Variants in RIMS2 observed in about 807,000 individuals in gnomAD.
RIMS2 encodes regulating synaptic membrane exocytosis 2.
Under a neutral mutation model 174.4 loss-of-function variants are expected in RIMS2, and 59 were observed. The observed-to-expected ratio is 0.34, with a 90% CI of 0.27 to 0.42. The LOEUF (loss-of-function observed/expected upper bound fraction) is 0.42, where lower values mean the gene tolerates loss of function less well. Among genes scored for constraint, RIMS2 ranks in the 10% least tolerant of loss-of-function variants. The probability of loss-of-function intolerance (pLI) is 1.00; values close to 1 mark genes in which losing one functional copy is unlikely to be tolerated. For missense variants in RIMS2, 1,620 were observed against 1,666.3 expected, an observed-to-expected ratio of 0.97 and a Z score of 0.48; for synonymous variants, 606 against 572.5, an observed-to-expected ratio of 1.06 and a Z score of -0.84.
chr8:104,032,772 G>A (rs762651195), intron 19 of RIMS2, among the ~76,000 whole-genome samples: 3 of 151,910 alleles, frequency 2.0e-5, no homozygotes, highest in Non-Finnish European at 4.4e-5. Context: ...TCATGTTACA[G>A]CTCTAAGACC....
intron 3 of RIMS2, among the ~76,000 whole-genome samples, chr8:103,838,833 A>G (rs1251655503): frequency 1.3e-5 from 2 of 152,172 alleles, no homozygotes; most frequent in Non-Finnish European, 2.9e-5. Context: ...TGGGAGGCCG[A>G]GGCGGGCAGA....
chr8:103,564,661 A>G (rs2092105657), intron 1 of RIMS2, among the ~76,000 whole-genome samples: 1 of 152,232 alleles, frequency 6.6e-6, no homozygotes, highest in Non-Finnish European at 1.5e-5. Flanking sequence ...GATGAAGTCC[A>G]GAAGCGTTGG....
intron 1 of RIMS2, among the ~76,000 whole-genome samples, chr8:103,689,108 C>A (rs1428126927): frequency 6.6e-6 from 1 of 152,036 alleles, no homozygotes; most frequent in Non-Finnish European, 1.5e-5. Flanking sequence ...TCTTCTTTGA[C>A]CCACTGGTCA....
chr8:103,840,471 G>C (rs1381888728), intron 3 of RIMS2, among the ~76,000 whole-genome samples: 4 of 151,430 alleles, frequency 2.6e-5, no homozygotes, highest in African/African-American at 9.8e-5. Context: ...TAATATTTTA[G>C]AGTTTGATTA....
At chr8:103,790,584 G>A (rs988611298) in intron 3 of RIMS2, among the ~76,000 whole-genome samples, 1 of 152,100 alleles carries the variant, frequency 6.6e-6, no homozygotes, top group Admixed American at 6.6e-5. Context: ...GTGGACATAT[G>A]TTTTTAATTC....
chr8:103,672,595 C>T (rs1444838369), intron 1 of RIMS2, among the ~76,000 whole-genome samples: 1 of 151,832 alleles, frequency 6.6e-6, no homozygotes, highest in Non-Finnish European at 1.5e-5. Flanking sequence ...TTAAAGATAA[C>T]CAGAGTTAGT....
At chr8:104,253,917 T>C (rs1368836758), downstream of RIMS2, 4 of 152,174 alleles carry the variant, frequency 2.6e-5, no homozygotes, top group East Asian at 1.9e-4. Context: ...ACACCAAGAC[T>C]GTGTCTTGAC....
At chr8:104,223,921 C>G in intron 19 of RIMS2, 1 of 739,158 alleles carries the variant, frequency 1.4e-6, no homozygotes, top group Non-Finnish European at 2.2e-6. Context: ...GGGACTGTGC[C>G]GGGGGCGACA....
At chr8:103,615,549 A>T (rs1727489828) in intron 1 of RIMS2, among the ~76,000 whole-genome samples, 1 of 149,890 alleles carries the variant, frequency 6.7e-6, no homozygotes, top group Non-Finnish European at 1.5e-5. Context: ...TGAGGAAGAA[A>T]AGCAAGAGAC....
At chr8:103,998,158 A>G (rs2095218333) in intron 17 of RIMS2, 3 of 1,533,856 alleles carry the variant, frequency 2.0e-6, no homozygotes, top group African/African-American at 1.4e-5. Context: ...AGTCTTATTT[A>G]TATTCTTGTT....
At chr8:103,617,799 A>G (rs1183572393) in intron 1 of RIMS2, among the ~76,000 whole-genome samples, 3 of 152,224 alleles carry the variant, frequency 2.0e-5, no homozygotes, top group Non-Finnish European at 4.4e-5. Context: ...CAAAACCACA[A>G]TGACATACCA....
intron 1 of RIMS2, among the ~76,000 whole-genome samples, chr8:103,622,724 C>G (rs555887989): frequency 1.1e-3 from 172 of 152,286 alleles, no homozygotes; most frequent in African/African-American, 3.9e-3. Context: ...ACCTTATATG[C>G]TCTCCTATCT....
At chr8:103,610,755 A>G (rs2095339623) in intron 1 of RIMS2, among the ~76,000 whole-genome samples, 1 of 152,156 alleles carries the variant, frequency 6.6e-6, no homozygotes, top group Non-Finnish European at 1.5e-5. Context: ...AGAGTTTTAC[A>G]TCTATGTACA....
chr8:104,230,881 T>G (rs1328683880), intron 19 of RIMS2, among the ~76,000 whole-genome samples: 1 of 148,522 alleles, frequency 6.7e-6, no homozygotes, highest in African/African-American at 2.6e-5. Context: ...GTTGGAAAAT[T>G]TACTCTTTTT....
intron 3 of RIMS2, among the ~76,000 whole-genome samples, chr8:103,863,021 G>A (rs2099066558): frequency 6.6e-6 from 1 of 152,096 alleles, no homozygotes; most frequent in Non-Finnish European, 1.5e-5. Flanking sequence ...AATGGTGATA[G>A]TGGACATCCT....
intron 19 of RIMS2, among the ~76,000 whole-genome samples, chr8:104,159,492 A>G (rs2098747390): frequency 6.6e-6 from 1 of 152,098 alleles, no homozygotes; most frequent in Admixed American, 6.6e-5. Flanking sequence ...TGGGCAGGCC[A>G]TACTGGTTTT....
intron 19 of RIMS2, among the ~76,000 whole-genome samples, chr8:104,147,007 A>C (rs16871013): frequency 6.6e-6 from 1 of 152,174 alleles, no homozygotes; most frequent in Non-Finnish European, 1.5e-5. Context: ...AAATTGCTAT[A>C]TAACAGAAAC....
chr8:103,990,900 T>C (rs903145928), intron 17 of RIMS2, among the ~76,000 whole-genome samples: 1 of 151,906 alleles, frequency 6.6e-6, no homozygotes, highest in African/African-American at 2.4e-5. Flanking sequence ...AATTAACATC[T>C]AGAATTATAA....
In RIMS2 at chr8:104,251,592, T is replaced by C; in HGVS notation, c.3832-10T>C. 6.7e-7 allele frequency: 1 copy of C among 1,497,838 alleles called. No homozygotes were observed. The allele number at this position is 1,497,838 out of a possible 1,614,324, so 92.8% of individuals were successfully genotyped here. ...CACTGACATCACTCTACTTTTTATT[T>C]TGCCAACAGATCATCGTCTGGGGAG... On this transcript the variant is annotated splice_polypyrimidine_tract_variant and intron_variant, in intron 23 of 23. Transcript: ENST00000504942.
Sources: allele counts gnomAD v4.1 joint callset (sites outside exome capture counted in the v4.1 genomes callset), GRCh38; gene constraint gnomAD v4.1.1; transcripts MANE v1.5; gene names NCBI Gene and HGNC (gene_info 2026-07-23, HGNC 2026-07-21).